Variants in PCDHA13 observed in about 807,000 individuals in gnomAD.
PCDHA13 encodes protocadherin alpha 13, also known as protocadherin alpha-13.
In PCDHA13, 54 loss-of-function variants were observed where a neutral mutation model predicts 64.8. The ratio of observed to expected loss-of-function variants is 0.83; its 90% confidence interval spans 0.67 to 1.04. The LOEUF (loss-of-function observed/expected upper bound fraction) is 1.04. Among genes scored for constraint, PCDHA13 ranks in the 50% least tolerant of loss-of-function variants. PCDHA13 has a pLI of 0.00. For missense variants in PCDHA13, 1,248 were observed against 1,254.3 expected (o/e 0.99, Z 0.08); for synonymous variants, 587 against 564.4 (o/e 1.04, Z -0.57).
At chr5:140,959,099 G>T (rs1233693181) in intron 1 of PCDHA13, among the ~76,000 whole-genome samples, 1 of 152,078 alleles carries the variant, frequency 6.6e-6, no homozygotes, top group Non-Finnish European at 1.5e-5. Context: ...CGGACATTCA[G>T]CAGGGGTCCG....
rs1400637236 is a variant in PCDHA13, at chr5:140,883,018, G to T, written c.750G>T (p.Thr250=). The change falls in exon 1 of 4, where the codon ACG becomes ACT. Residue 250 remains threonine, a synonymous_variant. Coordinates refer to ENST00000289272, the MANE Select transcript of PCDHA13 (RefSeq NM_018904.3). ...TTTACCAATCCGTTTATAAAGTGACGGTGTTAGAGAACGCCTTCAATGGAA... is the reference window on the plus strand; with the variant it reads ...TTTACCAATCCGTTTATAAAGTGACTGTGTTAGAGAACGCCTTCAATGGAA... ...PEFYQSVYKV[T]VLENAFNGTL... is the part of the protein sequence containing the mutation. The T allele has an allele frequency of 1.2e-6, 2 of 1,613,968 alleles. No homozygotes were observed. The highest frequency in any genetic ancestry group is 2.2e-5 in the East Asian group (1 of 44,886).
At chr5:140,967,790 C>T in intron 1 of PCDHA13, 1 of 1,614,188 alleles carries the variant, frequency 6.2e-7, no homozygotes, top group Non-Finnish European at 8.5e-7. Flanking sequence ...TGACCGGGGT[C>T]CAGTGCCCAT....
chr5:140,966,258 A>G, intron 1 of PCDHA13: 1 of 337,520 alleles, frequency 3.0e-6, no homozygotes, highest in Non-Finnish European at 5.3e-6. Context: ...GAGACGGTGG[A>G]GACTGGATGA....
At chr5:140,994,785 A>G (rs942763350) in intron 3 of PCDHA13, among the ~76,000 whole-genome samples, 2 of 152,168 alleles carry the variant, frequency 1.3e-5, no homozygotes, top group African/African-American at 4.8e-5. Flanking sequence ...AAAGGAAACA[A>G]TGCGTGCATG....
chr5:140,897,881 C>G (rs1417702752), intron 1 of PCDHA13, among the ~76,000 whole-genome samples: 1 of 152,312 alleles, frequency 6.6e-6, no homozygotes, highest in Admixed American at 6.5e-5. Context: ...GATTGCCATT[C>G]TAACTGGTGT....
intron 1 of PCDHA13, among the ~76,000 whole-genome samples, chr5:140,899,954 T>C (rs1240765868): frequency 6.6e-6 from 1 of 151,586 alleles, no homozygotes; most frequent in Non-Finnish European, 1.5e-5. Context: ...ACCACAGGCA[T>C]GTGCTGCCAT....
In PCDHA13 at chr5:141,007,573, TA is replaced by T. The variant is rs1265481031; in HGVS notation, c.2543-2048del. Among the ~76,000 whole-genome samples, 3 of 151,796 alleles carry T rather than the reference TA, an allele frequency of 2.0e-5. No homozygotes were observed. The East Asian group carries it at 5.8e-4, about 29-fold the overall frequency. On this transcript the variant is annotated intron_variant, in intron 3 of 3. Coordinates refer to ENST00000289272, the MANE Select transcript of PCDHA13 (RefSeq NM_018904.3). ...ACAGAGCAAGGCTCTATCTCAAATTTAAAAAATAATAATCATGATAATAATA... is the reference window on the plus strand; with the variant it reads ...ACAGAGCAAGGCTCTATCTCAAATTTAAAAATAATAATCATGATAATAATA...
intron 1 of PCDHA13, among the ~76,000 whole-genome samples, chr5:140,939,879 T>C (rs565550218): frequency 2.0e-5 from 3 of 152,208 alleles, no homozygotes; most frequent in Non-Finnish European, 4.4e-5. Flanking sequence ...CTTTGCTAGT[T>C]GTGTTGTTCA....
intron 1 of PCDHA13, chr5:140,926,589 G>T (rs929081687): frequency 1.7e-5 from 5 of 292,778 alleles, no homozygotes; most frequent in Non-Finnish European, 2.5e-5. Flanking sequence ...TCTCGCGCCC[G>T]GGCGGGCGGC....
chr5:140,946,875 G>T (rs1283632599), intron 1 of PCDHA13, among the ~76,000 whole-genome samples: 1 of 151,288 alleles, frequency 6.6e-6, no homozygotes, highest in Non-Finnish European at 1.5e-5. Flanking sequence ...TGGTCAATGG[G>T]TACGAAGTTA....
Position 140,883,224 on chromosome 5 carries a change from C to T in PCDHA13, c.956C>T (p.Ser319Phe), listed in dbSNP as rs782659730. 2 of 1,613,946 alleles carry T rather than the reference C, an allele frequency of 1.2e-6. No homozygotes were observed. Among genetic ancestry groups the T allele is most frequent in the Non-Finnish European group, 1.7e-6 (2 of 1,179,990 alleles). The stretch of plus-strand genomic sequence containing the variant: ...GAAGAAAAGAAATTATATGAAATAT[C>T]CGTGGAGGCAGTTGACAAAGGAAAT... ...DFEEKKLYEISVEAVDKGNIP... is the reference protein window; with the variant it reads ...DFEEKKLYEIFVEAVDKGNIP... The change falls in exon 1 of 4, where the codon TCC (serine) becomes TTC (phenylalanine). Residue 319 changes from serine (S) to phenylalanine (F), a missense_variant. Transcript: ENST00000289272.
At chr5:140,907,500 G>T (rs2073413620) in intron 1 of PCDHA13, among the ~76,000 whole-genome samples, 1 of 152,228 alleles carries the variant, frequency 6.6e-6, no homozygotes, top group Non-Finnish European at 1.5e-5. Flanking sequence ...TCCAGAGTAA[G>T]TGTCTATTCC....
intron 1 of PCDHA13, among the ~76,000 whole-genome samples, chr5:140,943,273 A>G (rs1451221832): frequency 1.3e-5 from 2 of 150,472 alleles, no homozygotes; most frequent in East Asian, 1.9e-4. Flanking sequence ...AAAAAAAAAA[A>G]AAAAGAAAGA....
intron 1 of PCDHA13, among the ~76,000 whole-genome samples, chr5:140,918,108 A>G (rs1283760333): frequency 2.6e-5 from 4 of 152,166 alleles, no homozygotes; most frequent in Non-Finnish European, 5.9e-5. Context: ...GATCTTTCAC[A>G]TCCTTGATTA....
chr5:140,973,078 C>T (rs111586419), intron 1 of PCDHA13, among the ~76,000 whole-genome samples: 5,544 of 152,208 alleles, frequency 0.036, 303 homozygotes, highest in African/African-American at 0.12. Context: ...GTGGGCCCAG[C>T]TGGCACAACA....
At position 140,928,057 on chromosome 5, in the gene PCDHA13, G is replaced by T. The variant is rs150006101; in HGVS notation, c.2394+43395G>T. 1.4e-4 allele frequency: 234 copies of T among 1,614,060 alleles called. No individual in the cohort carries two copies. Among genetic ancestry groups the T allele is most frequent in the Non-Finnish European group, 1.9e-4 (219 of 1,180,052 alleles). On this transcript the variant is annotated intron_variant, in intron 1 of 3. Transcript: ENST00000289272. ...TAGTGCAGGCCCTTTTCAGCTGACG[G>T]CTTCCTTTGACAACTACTACAGCCT...
chr5:140,997,664 C>A (rs2097778003), intron 3 of PCDHA13, among the ~76,000 whole-genome samples: 1 of 142,906 alleles, frequency 7.0e-6, no homozygotes, highest in African/African-American at 2.5e-5. Context: ...TATTATTATA[C>A]AGCTTGTGTG....
chr5:140,946,959 A>C (rs918204180), intron 1 of PCDHA13, among the ~76,000 whole-genome samples: 2 of 151,664 alleles, frequency 1.3e-5, no homozygotes, highest in Non-Finnish European at 3.0e-5. Context: ...GTATATTTCA[A>C]AATATTATAG....
At chr5:140,892,265 T>A (rs1285445395) in intron 1 of PCDHA13, among the ~76,000 whole-genome samples, 3 of 152,240 alleles carry the variant, frequency 2.0e-5, no homozygotes, top group African/African-American at 7.2e-5. Context: ...GATTTTGTGC[T>A]GAAAGTTGTA....
Sources: allele counts gnomAD v4.1 joint callset (sites outside exome capture counted in the v4.1 genomes callset), GRCh38; gene constraint gnomAD v4.1.1; transcripts MANE v1.5; gene names NCBI Gene and HGNC (gene_info 2026-07-23, HGNC 2026-07-21).